Variants in CDC42BPA observed in about 807,000 individuals in gnomAD.
CDC42BPA encodes the protein serine/threonine-protein kinase MRCK alpha.
A neutral mutation model predicts 223.5 loss-of-function variants in CDC42BPA; 80 were observed. The ratio of observed to expected loss-of-function variants is 0.36; its 90% CI spans 0.30 to 0.43. The LOEUF is 0.43. CDC42BPA is among the 20% of genes least tolerant of loss of function. CDC42BPA has a pLI of 1.00. For synonymous variants in CDC42BPA, 694 were observed against 718.6 expected (o/e 0.97, Z 0.55); for missense variants, 1,743 against 2,099.9 (o/e 0.83, Z 3.32).
intron 14 of CDC42BPA, among the ~76,000 whole-genome samples, chr1:227,107,622 G>C (rs1377569496): frequency 6.6e-6 from 1 of 152,148 alleles, no homozygotes; most frequent in African/African-American, 2.4e-5. Context: ...TTAAGTGTTT[G>C]GTTCAATTCA....
chr1:227,093,382 T>A (rs569838969), intron 15 of CDC42BPA, among the ~76,000 whole-genome samples: 5 of 152,064 alleles, frequency 3.3e-5, no homozygotes, highest in Admixed American at 2.0e-4. Flanking sequence ...CCCCAAGACA[T>A]GAGATGTGAG....
intron 5 of CDC42BPA, among the ~76,000 whole-genome samples, chr1:227,187,495 A>AC: frequency 6.6e-6 from 1 of 151,610 alleles, no homozygotes; most frequent in South Asian, 2.1e-4. Context: ...AAAAAAAAAA[A>AC]AAAACAGAAC....
intron 2 of CDC42BPA, among the ~76,000 whole-genome samples, chr1:227,247,030 A>G (rs1425441187): frequency 6.6e-6 from 1 of 151,898 alleles, no homozygotes; most frequent in Non-Finnish European, 1.5e-5. Context: ...GTGAAACCCC[A>G]TCTCTACTAA....
At chr1:227,269,060 G>A (rs570281436) in intron 1 of CDC42BPA, among the ~76,000 whole-genome samples, 17 of 152,320 alleles carry the variant, frequency 1.1e-4, no homozygotes, top group African/African-American at 3.8e-4. Flanking sequence ...AACCTTTTCT[G>A]TAAAGGCCAC....
intron 2 of CDC42BPA, among the ~76,000 whole-genome samples, chr1:227,218,109 G>T (rs1358100225): frequency 6.6e-6 from 1 of 152,090 alleles, no homozygotes; most frequent in African/African-American, 2.4e-5. Flanking sequence ...ATCTATGTGG[G>T]TGTATATACA....
intron 23 of CDC42BPA, 73 bp from the exon 24 acceptor site, chr1:227,040,309 T>A: frequency 1.2e-6 from 1 of 810,330 alleles, no homozygotes; most frequent in East Asian, 2.6e-5. Flanking sequence ...TTATGCCCCA[T>A]ACCACTTTCT....
chr1:227,189,081 A>G (rs932247484), intron 5 of CDC42BPA, among the ~76,000 whole-genome samples: 3 of 152,138 alleles, frequency 2.0e-5, no homozygotes, highest in Non-Finnish European at 4.4e-5. Context: ...TTAGAAATTG[A>G]GCTTTCATTC....
Position 227,317,556 on chromosome 1 carries a change from C to T in CDC42BPA, c.-374G>A, listed in dbSNP as rs1356796327. The T allele has an allele frequency of 5.0e-6, 2 of 397,248 alleles. No individual in the cohort carries two copies. The highest frequency in any genetic ancestry group is 3.6e-5 in the East Asian group (1 of 28,066). The allele number at this position is 397,248 out of a possible 1,614,324, so 24.6% of individuals were successfully genotyped here. A position where few individuals can be genotyped will look rare whatever the true frequency, so the allele number is the denominator to read the frequency against. ...CTTCTCCTTCATTCAAAATTCAACT[C>T]GTGCAACGTAATCCTGAAACGAATC... On this transcript the variant is annotated 5_prime_UTR_variant, in exon 1 of 37. Coordinates refer to ENST00000366766, the MANE Select transcript of CDC42BPA (RefSeq NM_001394014.1).
rs1688347190 is a variant in CDC42BPA at position 227,119,832 on chromosome 1, A to G, written c.1619T>C (p.Leu540Ser). The part of the protein sequence containing the change: ...IKAYEKQIKT[L>S]QQEREDLNKE... ...ATTTAGATCTTCTCTTTCTTGTTGT[A>G]ACGTTTTGATTTGTTTTTCATAAGC... The change falls in exon 12 of 37, where the codon TTA (leucine) becomes TCA (serine). Residue 540 changes from leucine (L) to serine (S), a missense_variant. Coordinates refer to ENST00000366766, the MANE Select transcript of CDC42BPA (RefSeq NM_001394014.1). 2 of 1,592,838 alleles carry G rather than the reference A, an allele frequency of 1.3e-6. No individual in the cohort carries two copies. Among genetic ancestry groups the G allele is most frequent in the African/African-American group, 2.7e-5 (2 of 74,476 alleles).
chr1:227,057,768 T>C (rs1439866216), intron 21 of CDC42BPA, among the ~76,000 whole-genome samples: 1 of 152,198 alleles, frequency 6.6e-6, no homozygotes, highest in Non-Finnish European at 1.5e-5. Context: ...TCTCATAGAA[T>C]AAAGACATAG....
intron 14 of CDC42BPA, 24 bp from the exon 15 acceptor site, chr1:227,101,263 T>C (rs771006676): frequency 3.1e-5 from 43 of 1,373,532 alleles, no homozygotes; most frequent in Admixed American, 2.1e-4. Context: ...AACAAAAGAT[T>C]AGTGCATCTA....
intron 2 of CDC42BPA, among the ~76,000 whole-genome samples, chr1:227,236,589 A>G (rs542065775): frequency 4.2e-4 from 64 of 152,342 alleles, no homozygotes; most frequent in Non-Finnish European, 7.3e-4. Context: ...TGATCATAAC[A>G]TACCTACATA....
Position 227,047,895 on chromosome 1 carries a change from G to T in CDC42BPA, c.3093+32C>A, listed in dbSNP as rs551874458. On this transcript the variant is annotated intron_variant, in intron 23 of 36. Transcript: ENST00000366766. Reference sequence around the variant, plus strand: ...GAGCAGATAAAATTCATTTTTTTTGGAACACACTATGCTTATAACTAGATT... The same window carrying T: ...GAGCAGATAAAATTCATTTTTTTTGTAACACACTATGCTTATAACTAGATT... 19 of 1,308,016 alleles carry T rather than the reference G, an allele frequency of 1.5e-5. No individual in the cohort carries two copies. The South Asian group carries it at 2.3e-4, about 16-fold the overall frequency. The allele number at this position is 1,308,016 out of a possible 1,614,324, so 81.0% of individuals were successfully genotyped here.
rs940070460 is a variant in CDC42BPA at position 227,252,758 on chromosome 1, C to CAAG, written c.270+1305_270+1306insCTT. ...CATCTGAAAATATAACAGCATAATTCAACACATTAACAAAGTAAAGGAGAA... is the reference window on the plus strand; with the variant it reads ...CATCTGAAAATATAACAGCATAATTCAAGAACACATTAACAAAGTAAAGGAGAA... On this transcript the variant is annotated intron_variant, in intron 2 of 36. Transcript: ENST00000366766. 1.3e-4 allele frequency among the ~76,000 whole-genome samples: 14 copies of CAAG among 108,524 alleles called. 1 individual carries two copies. Among genetic ancestry groups the CAAG allele is most frequent in the South Asian group, 6.6e-4 (2 of 3,030 alleles). The allele number at this position is 108,524 out of a possible 152,430, so 71.2% of individuals were successfully genotyped here. A position where few individuals can be genotyped will look rare whatever the true frequency, so the allele number is the denominator to read the frequency against.
chr1:227,256,045 T>C (rs546801543), intron 1 of CDC42BPA, among the ~76,000 whole-genome samples: 3 of 152,082 alleles, frequency 2.0e-5, no homozygotes, highest in South Asian at 4.2e-4. Context: ...TACCAGAATA[T>C]ACAAAGAACT....
chr1:227,040,112 C>T lies in CDC42BPA; in HGVS notation c.3199+19G>A, dbSNP rs1430467928. 1.4e-6 allele frequency: 2 copies of T among 1,401,086 alleles called. No individual in the cohort carries two copies. The highest frequency in any genetic ancestry group is 2.3e-5 in the South Asian group (2 of 86,500). The allele number at this position is 1,401,086 out of a possible 1,614,324, so 86.8% of individuals were successfully genotyped here. On this transcript the variant is annotated intron_variant, in intron 24 of 36. Coordinates refer to ENST00000366766, the MANE Select transcript of CDC42BPA (RefSeq NM_001394014.1). ...AATTTAGATAGTGAAGTCACATTTT[C>T]TTTCCTTTGTGTTCTTACCTTCACA...
intron 35 of CDC42BPA, among the ~76,000 whole-genome samples, chr1:227,003,200 T>C (rs971050157): frequency 3.3e-5 from 5 of 152,198 alleles, no homozygotes; most frequent in African/African-American, 1.2e-4. Flanking sequence ...CATTCGAGAA[T>C]AGAAGGGAAC....
At chr1:227,308,278 G>A (rs924238857) in intron 1 of CDC42BPA, among the ~76,000 whole-genome samples, 9 of 152,098 alleles carry the variant, frequency 5.9e-5, no homozygotes, top group African/African-American at 1.4e-4. Context: ...GACCTAGCCC[G>A]GTGGATTGCC....
At chr1:227,049,465 C>A (rs998306439) in intron 22 of CDC42BPA, among the ~76,000 whole-genome samples, 8 of 151,788 alleles carry the variant, frequency 5.3e-5, no homozygotes, top group African/African-American at 1.9e-4. Context: ...GATGGAATAC[C>A]CAGTATCATG....
Sources: gnomAD v4.1 joint callset for allele counts (sites outside exome capture counted in the v4.1 genomes callset) on GRCh38, gnomAD v4.1.1 for gene constraint, MANE v1.5 for transcripts, NCBI Gene and HGNC (gene_info 2026-07-23, HGNC 2026-07-21) for gene names.